CERK: variants seen among roughly 807,000 people sequenced by gnomAD.
The protein encoded by CERK is ceramide kinase.
CERK carries 39 observed loss-of-function variants against 63.4 expected under a neutral mutation model. The ratio of observed to expected loss-of-function variants is 0.61; its 90% CI spans 0.48 to 0.80. The LOEUF (loss-of-function observed/expected upper bound fraction) is 0.80. Among genes scored for constraint, CERK ranks in the 30% least tolerant of loss-of-function variants. The pLI, the probability that CERK is intolerant of heterozygous loss-of-function variation, is 0.00. For synonymous variants in CERK, 302 were observed against 280.0 expected (o/e 1.08, Z -0.78); for missense variants, 670 against 714.1 (o/e 0.94, Z 0.70).
At chr22:46,715,270 A>C (rs1465944357) in intron 3 of CERK, among the ~76,000 whole-genome samples, 1 of 152,222 alleles carries the variant, frequency 6.6e-6, no homozygotes, top group Non-Finnish European at 1.5e-5. Flanking sequence ...AAAAGAAATA[A>C]AAGAGAGAAG....
Position 46,721,631 on chromosome 22 carries a change from T to C in CERK, c.143-616A>G, listed in dbSNP as rs544898064. ...TTCCGGGCCAGCTACCATGTGAAAT[T>C]TGGGGAAACATGCTCGAGACATGGC... On this transcript the variant is annotated intron_variant, in intron 1 of 12. Transcript: ENST00000216264. 7.9e-5 allele frequency among the ~76,000 whole-genome samples: 12 copies of C among 152,130 alleles called. No homozygotes were observed. The South Asian group carries it at 2.3e-3, about 29-fold the overall frequency.
rs377391076 is a variant in CERK, at chr22:46,701,751, A to G, written c.716-41T>C. 17 of 1,484,700 alleles carry G rather than the reference A, an allele frequency of 1.1e-5. No individual in the cohort carries two copies. The African/African-American group carries it at 2.2e-4, about 19-fold the overall frequency. The allele number at this position is 1,484,700 out of a possible 1,614,324, so 92.0% of individuals were successfully genotyped here. A position where few individuals can be genotyped will look rare whatever the true frequency, so the allele number is the denominator to read the frequency against. ...GAAGGTCCCAAATAGCATCAGAATA[A>G]CAGAATTGTAATCGCCTCCCAATTC... On this transcript the variant is annotated intron_variant, in intron 6 of 12. Coordinates refer to ENST00000216264, the MANE Select transcript of CERK (RefSeq NM_022766.6).
intron 1 of CERK, among the ~76,000 whole-genome samples, chr22:46,731,432 C>T (rs528963067): frequency 1.5e-4 from 23 of 152,244 alleles, no homozygotes; most frequent in African/African-American, 2.9e-4. Flanking sequence ...CCCCTGACTC[C>T]GCTGCCAACA....
intron 8 of CERK, among the ~76,000 whole-genome samples, chr22:46,696,859 AG>A (rs1281263300): frequency 6.6e-6 from 1 of 151,888 alleles, no homozygotes; most frequent in Admixed American, 6.6e-5. Context: ...CCAGGCATGC[AG>A]GGGGGCTGCC....
chr22:46,716,925 ACT>A (rs1009563996), intron 3 of CERK, among the ~76,000 whole-genome samples: 7 of 150,168 alleles, frequency 4.7e-5, no homozygotes, highest in African/African-American at 1.3e-4. Flanking sequence ...ACAGAGCGAG[ACT>A]CTGTCCCCCC....
intron 4 of CERK, among the ~76,000 whole-genome samples, chr22:46,711,562 CA>C (rs1355159885): frequency 2.0e-5 from 3 of 152,194 alleles, no homozygotes; most frequent in Non-Finnish European, 4.4e-5. Context: ...CCCCACCCCA[CA>C]ACAGGCCCCG....
At chr22:46,692,809 G>A (rs2082737899) in intron 10 of CERK, among the ~76,000 whole-genome samples, 1 of 151,312 alleles carries the variant, frequency 6.6e-6, no homozygotes, top group Non-Finnish European at 1.5e-5. Flanking sequence ...GGAGGCTGAG[G>A]GAGGAGAATC....
At chr22:46,694,064 G>A (rs538118373) in intron 9 of CERK, among the ~76,000 whole-genome samples, 18 of 152,154 alleles carry the variant, frequency 1.2e-4, no homozygotes, top group African/African-American at 3.9e-4. Flanking sequence ...ATGCACTGAC[G>A]CAAACAGCAT....
At position 46,699,422 on chromosome 22, in the gene CERK, G is replaced by T. The variant is rs1022455370; in HGVS notation, c.834C>A (p.Ser278Arg). The T allele has an allele frequency of 1.3e-5, 21 of 1,614,034 alleles. No individual in the cohort carries two copies. The highest frequency in any genetic ancestry group is 4.0e-5 in the African/African-American group (3 of 74,950). ...GGGACACGGAGTAGCGAAGGAGTGT[G>T]CTGTTGTGGTGGACTGAGGACACAT... is the stretch of plus-strand genomic sequence containing the variant. ...AMDVSSVHHNSTLLRYSVSLL... is the reference protein window; with the variant it reads ...AMDVSSVHHNRTLLRYSVSLL... The change falls in exon 8 of 13, where the codon AGC becomes AGA. Residue 278 changes from serine to arginine, a missense_variant. Ser to Arg is a moderately radical substitution (Grantham distance 110). Coordinates refer to ENST00000216264, the MANE Select transcript of CERK (RefSeq NM_022766.6).
intron 1 of CERK, among the ~76,000 whole-genome samples, chr22:46,725,553 T>C (rs926861703): frequency 6.6e-6 from 1 of 152,208 alleles, no homozygotes; most frequent in African/African-American, 2.4e-5. Flanking sequence ...GGTGGACAGA[T>C]GCTGTGGGAA....
At chr22:46,701,768 T>G in intron 6 of CERK, 58 bp from the exon 7 acceptor site, 1 of 1,332,036 alleles carries the variant, frequency 7.5e-7, no homozygotes. Flanking sequence ...TGTAATCGCC[T>G]CCCAATTCAG....
At chr22:46,696,289 T>G (rs1000897211) in intron 8 of CERK, among the ~76,000 whole-genome samples, 1 of 152,096 alleles carries the variant, frequency 6.6e-6, no homozygotes, top group African/African-American at 2.4e-5. Flanking sequence ...TGGAATGCAC[T>G]CAGCGGGCGG....
At chr22:46,700,739 C>G (rs1289757362) in intron 7 of CERK, among the ~76,000 whole-genome samples, 2 of 151,130 alleles carry the variant, frequency 1.3e-5, no homozygotes, top group Non-Finnish European at 2.9e-5. Context: ...TGACCAGGTG[C>G]TGTGGCTTAC....
At chr22:46,695,555 G>C (rs1295787837) in intron 8 of CERK, among the ~76,000 whole-genome samples, 1 of 152,252 alleles carries the variant, frequency 6.6e-6, no homozygotes, top group African/African-American at 2.4e-5. Flanking sequence ...ACCCAGTGAT[G>C]CTGGGACAGC....
intron 7 of CERK, among the ~76,000 whole-genome samples, chr22:46,701,053 G>A (rs135686): frequency 0.37 from 56,775 of 151,978 alleles, 11,392 homozygotes; most frequent in East Asian, 0.7. Context: ...AAAATATACA[G>A]TTTCTGTGAC....
At chr22:46,705,690 C>G (rs1350206694) in intron 6 of CERK, among the ~76,000 whole-genome samples, 2 of 151,698 alleles carry the variant, frequency 1.3e-5, no homozygotes, top group African/African-American at 2.4e-5. Flanking sequence ...AACCAACCAA[C>G]CCAAAGAACT....
At chr22:46,704,224 G>A (rs1007380378) in intron 6 of CERK, among the ~76,000 whole-genome samples, 1 of 152,216 alleles carries the variant, frequency 6.6e-6, no homozygotes, top group Non-Finnish European at 1.5e-5. Context: ...CCTGACCATG[G>A]TGAAGTGCAG....
intron 3 of CERK, among the ~76,000 whole-genome samples, chr22:46,719,869 G>A (rs533004298): frequency 6.6e-6 from 1 of 152,224 alleles, no homozygotes; most frequent in Non-Finnish European, 1.5e-5. Context: ...AGTGAGCAGG[G>A]GGCTGGACTC....
In CERK at chr22:46,690,144, C is replaced by T. The variant is rs755107612; in HGVS notation, c.1389G>A (p.Lys463=). 38 of 1,613,938 alleles carry T rather than the reference C, an allele frequency of 2.4e-5. No homozygotes were observed. Among genetic ancestry groups the T allele is most frequent in the Middle Eastern group, 1.6e-4 (1 of 6,084 alleles). ...YRVKKFQFTS[K]HMEDEDSDLK... is the part of the protein sequence containing the mutation. ...GGTCGCTGTCCTCATCCTCCATGTG[C>T]TTCGACGTAAACTGGAATTTCTTGA... The change falls in exon 12 of 13, where the codon AAG becomes AAA. Residue 463 remains lysine, a synonymous_variant. Coordinates refer to ENST00000216264, the MANE Select transcript of CERK (RefSeq NM_022766.6).
Sources: gnomAD v4.1 joint callset for allele counts (sites outside exome capture counted in the v4.1 genomes callset) on GRCh38, gnomAD v4.1.1 for gene constraint, MANE v1.5 for transcripts, NCBI Gene and HGNC (gene_info 2026-07-23, HGNC 2026-07-21) for gene names.